The following ADCK1 variants were observed in gnomAD, a reference collection of about 807,000 sequenced individuals.
ADCK1 encodes aarF domain containing kinase 1.
Under a neutral mutation model 52.3 loss-of-function variants are expected in ADCK1, and 41 were observed. That is an observed-to-expected ratio of 0.78 (90% CI 0.61 to 1.02). ADCK1 has a LOEUF of 1.02. ADCK1 is among the 50% of genes least tolerant of loss of function. ADCK1 has a pLI of 0.00. For synonymous variants in ADCK1, 250 were observed against 274.6 expected, an observed-to-expected ratio of 0.91 and a Z score of 0.89; for missense variants, 658 against 679.5, an observed-to-expected ratio of 0.97 and a Z score of 0.35.
intron 5 of ADCK1, among the ~76,000 whole-genome samples, chr14:77,893,779 G>A (rs2140225017): frequency 7.2e-6 from 1 of 139,044 alleles, no homozygotes; most frequent in South Asian, 2.3e-4. Flanking sequence ...TGTTGCCCAA[G>A]CTGGAGTGCA....
At chr14:77,848,974 C>T (rs1258382896) in intron 3 of ADCK1, among the ~76,000 whole-genome samples, 7 of 151,968 alleles carry the variant, frequency 4.6e-5, no homozygotes, top group Admixed American at 1.3e-4. Flanking sequence ...TACAGGCGCC[C>T]GCTACCACGC....
rs544431399 is a variant in ADCK1, at chr14:77,875,908, C to T, written c.424-11183C>T. ...CTGGTCTCACATCTTGGGGTTCACA[C>T]TTGACCTATGTTCCCCTCATCTCAT... On this transcript the variant is annotated intron_variant, in intron 4 of 10. Transcript: ENST00000238561. Among the ~76,000 whole-genome samples, 13 of 152,322 alleles carry T rather than the reference C, an allele frequency of 8.5e-5. 1 individual carries two copies. The South Asian group carries it at 2.5e-3, about 29-fold the overall frequency.
At chr14:77,921,326 CAAAAAAAAA>C (rs756056466) in intron 7 of ADCK1, among the ~76,000 whole-genome samples, 6 of 41,210 alleles carry the variant, frequency 1.5e-4, no homozygotes, top group South Asian at 2.4e-3. Context: ...GACTCTGTCT[CAAAAAAAAA>C]AAAAAAAAAA....
chr14:77,805,210 TAA>T (rs558205777), intron 1 of ADCK1, among the ~76,000 whole-genome samples: 7 of 101,472 alleles, frequency 6.9e-5, no homozygotes, highest in Admixed American at 1.1e-4. Context: ...CTGTCTCATT[TAA>T]AAAAAAAAAA....
At chr14:77,826,141 C>A (rs946097064) in intron 3 of ADCK1, among the ~76,000 whole-genome samples, 2 of 152,220 alleles carry the variant, frequency 1.3e-5, no homozygotes, top group Admixed American at 1.3e-4. Context: ...CACGTGGCGG[C>A]TGGCACCAGA....
chr14:77,816,615 T>C (rs2081456614), intron 1 of ADCK1, among the ~76,000 whole-genome samples: 1 of 152,124 alleles, frequency 6.6e-6, no homozygotes, highest in South Asian at 2.1e-4. Context: ...TAACTGACCC[T>C]GCACATCTGT....
chr14:77,929,315 G>A (rs990239904), intron 9 of ADCK1, among the ~76,000 whole-genome samples: 6 of 152,222 alleles, frequency 3.9e-5, no homozygotes, highest in Admixed American at 3.9e-4. Context: ...ACAAATTCAG[G>A]TCCCTGGGCT....
intron 3 of ADCK1, among the ~76,000 whole-genome samples, chr14:77,828,523 CTAGTTAT>C (rs2081769090): frequency 1.3e-5 from 2 of 152,150 alleles, no homozygotes; most frequent in East Asian, 3.9e-4. Context: ...CCGTTCTCCC[CTAGTTAT>C]TTAATTATTG....
intron 1 of ADCK1, among the ~76,000 whole-genome samples, chr14:77,809,215 G>T (rs77757180): frequency 0.054 from 8,218 of 152,266 alleles, 298 homozygotes; most frequent in Middle Eastern, 0.085. Context: ...AAGATAACTT[G>T]AGTGGCAGAG....
intron 1 of ADCK1, among the ~76,000 whole-genome samples, chr14:77,812,233 A>T (rs2081351214): frequency 6.6e-6 from 1 of 152,166 alleles, no homozygotes; most frequent in Non-Finnish European, 1.5e-5. Flanking sequence ...AGTCCCCAGA[A>T]CTTATTCATC....
At chr14:77,877,829 C>G (rs1185546167) in intron 4 of ADCK1, among the ~76,000 whole-genome samples, 2 of 152,142 alleles carry the variant, frequency 1.3e-5, no homozygotes, top group Non-Finnish European at 2.9e-5. Context: ...TGGTTTTGAA[C>G]TGCTGACCTC....
intron 3 of ADCK1, among the ~76,000 whole-genome samples, chr14:77,827,342 C>T (rs1229393975): frequency 7.9e-6 from 1 of 127,260 alleles, no homozygotes; most frequent in African/African-American, 3.1e-5. Context: ...CAGAGTGAGA[C>T]TCTGTCTCAA....
At chr14:77,850,544 T>A (rs569460675) in intron 3 of ADCK1, among the ~76,000 whole-genome samples, 1 of 152,142 alleles carries the variant, frequency 6.6e-6, no homozygotes, top group East Asian at 1.9e-4. Context: ...TGTTATGAAA[T>A]AATTTTCTTT....
chr14:77,881,307 G>A (rs1397622094), intron 4 of ADCK1, among the ~76,000 whole-genome samples: 3 of 152,176 alleles, frequency 2.0e-5, no homozygotes, highest in African/African-American at 7.2e-5. Context: ...CAGGCTGCAC[G>A]AGTGTCACCA....
chr14:77,903,137 G>A (rs1336024912), intron 6 of ADCK1, among the ~76,000 whole-genome samples: 1 of 152,230 alleles, frequency 6.6e-6, no homozygotes, highest in Non-Finnish European at 1.5e-5. Flanking sequence ...AAATGAAGAT[G>A]CCAAATGGGT....
intron 3 of ADCK1, among the ~76,000 whole-genome samples, chr14:77,851,122 CT>C (rs149170159): frequency 1.5e-3 from 208 of 141,350 alleles, no homozygotes; most frequent in Middle Eastern, 3.8e-3. Flanking sequence ...ACATTTGGGT[CT>C]TTTTTTTTTT....
intron 3 of ADCK1, among the ~76,000 whole-genome samples, chr14:77,842,716 A>G (rs1272808934): frequency 2.0e-5 from 3 of 151,344 alleles, no homozygotes; most frequent in African/African-American, 7.3e-5. Context: ...ACGCCCAGCT[A>G]ATTTTTGTAT....
intron 7 of ADCK1, among the ~76,000 whole-genome samples, chr14:77,912,084 GT>G (rs2083804724): frequency 6.6e-6 from 1 of 152,164 alleles, no homozygotes; most frequent in African/African-American, 2.4e-5. Flanking sequence ...GAATCATACA[GT>G]TTTGGGATCT....
intron 3 of ADCK1, among the ~76,000 whole-genome samples, chr14:77,847,495 A>G (rs1372050322): frequency 1.3e-5 from 2 of 152,294 alleles, no homozygotes; most frequent in African/African-American, 2.4e-5. Flanking sequence ...GCTTGAACCC[A>G]GGAGGTGGAG....
Sources: gnomAD v4.1 joint callset for allele counts (sites outside exome capture counted in the v4.1 genomes callset) on GRCh38, gnomAD v4.1.1 for gene constraint, MANE v1.5 for transcripts, NCBI Gene and HGNC (gene_info 2026-07-23, HGNC 2026-07-21) for gene names.